MAPK8: variants seen among roughly 807,000 people sequenced by gnomAD.
MAPK8 encodes mitogen-activated protein kinase 8.
In MAPK8, 13 loss-of-function variants were observed where a neutral mutation model predicts 52.9. The observed-to-expected ratio is 0.25, with a 90% CI of 0.16 to 0.39. The LOEUF is 0.39. MAPK8 is among the 10% of genes least tolerant of loss of function. MAPK8 has a pLI of 1.00. For synonymous variants in MAPK8, 191 were observed against 169.8 expected, an observed-to-expected ratio of 1.12 and a Z score of -0.97; for missense variants, 300 against 519.2, an observed-to-expected ratio of 0.58 and a Z score of 4.10.
intron 1 of MAPK8, among the ~76,000 whole-genome samples, chr10:48,348,502 A>G (rs1846001002): frequency 1.3e-5 from 2 of 152,182 alleles, no homozygotes; most frequent in African/African-American, 4.8e-5. Context: ...GTTTTCTTCT[A>G]GGATTTTTAT....
intron 1 of MAPK8, among the ~76,000 whole-genome samples, chr10:48,391,481 C>T (rs1161526089): frequency 6.6e-6 from 1 of 152,138 alleles, no homozygotes; most frequent in Non-Finnish European, 1.5e-5. Context: ...AATGCATCCT[C>T]TATAAATCTC....
intron 1 of MAPK8, among the ~76,000 whole-genome samples, chr10:48,338,847 C>T (rs560000865): frequency 6.6e-6 from 1 of 151,992 alleles, no homozygotes; most frequent in East Asian, 1.9e-4. Flanking sequence ...ACACACCACA[C>T]ACACACAATA....
At chr10:48,362,537 T>C (rs931685698) in intron 1 of MAPK8, among the ~76,000 whole-genome samples, 2 of 124,398 alleles carry the variant, frequency 1.6e-5, no homozygotes, top group Non-Finnish European at 3.2e-5. Flanking sequence ...ATTTTCTTTT[T>C]ATTAGCCTCT....
intron 3 of MAPK8, among the ~76,000 whole-genome samples, chr10:48,406,999 T>C (rs2042508255): frequency 6.6e-6 from 1 of 152,226 alleles, no homozygotes; most frequent in African/African-American, 2.4e-5. Context: ...ACAGTTCCCA[T>C]CTCACCCAGT....
In MAPK8 at chr10:48,439,201, G is replaced by T. The variant is rs1490536032; in HGVS notation, c.*4172G>T. 6.6e-6 allele frequency: 1 copy of T among 150,858 alleles called. No individual in the cohort carries two copies. Among genetic ancestry groups the T allele is most frequent in the Non-Finnish European group, 1.5e-5 (1 of 67,852 alleles). The allele number at this position is 150,858 out of a possible 1,614,324, so 9.3% of individuals were successfully genotyped here. ...TTTCCTCTAGACAAAACAAAATGGG[G>T]CACTTTTTAGGGAATGCTGAGATCA... On this transcript the variant is annotated 3_prime_UTR_variant, in exon 12 of 12. Coordinates refer to ENST00000374189, the MANE Select transcript of MAPK8 (RefSeq NM_001323329.2).
chr10:48,340,203 T>C (rs981942005), intron 1 of MAPK8, among the ~76,000 whole-genome samples: 6 of 152,206 alleles, frequency 3.9e-5, no homozygotes, highest in African/African-American at 1.4e-4. Context: ...ATATGCACCA[T>C]GGATACTACA....
At chr10:48,341,769 A>G (rs1845290210) in intron 1 of MAPK8, among the ~76,000 whole-genome samples, 1 of 152,250 alleles carries the variant, frequency 6.6e-6, no homozygotes, top group African/African-American at 2.4e-5. Context: ...CCATGAAAGT[A>G]TATAAAGATA....
At chr10:48,376,524 A>G (rs1212434431) in intron 1 of MAPK8, among the ~76,000 whole-genome samples, 1 of 152,222 alleles carries the variant, frequency 6.6e-6, no homozygotes, top group African/African-American at 2.4e-5. Context: ...AAAGAACTTA[A>G]ACAAATTTAC....
At chr10:48,310,518 C>G (rs1841876203) in intron 1 of MAPK8, among the ~76,000 whole-genome samples, 4 of 152,154 alleles carry the variant, frequency 2.6e-5, no homozygotes, top group South Asian at 2.1e-4. Flanking sequence ...ATCATGCCTT[C>G]TAATGAGACC....
At chr10:48,370,836 T>C (rs533640199) in intron 1 of MAPK8, among the ~76,000 whole-genome samples, 10 of 152,228 alleles carry the variant, frequency 6.6e-5, no homozygotes, top group Non-Finnish European at 1.0e-4. Flanking sequence ...GTTGAAAATA[T>C]AAGGGAGAAG....
chr10:48,409,194 GAA>G (rs1313090338), intron 3 of MAPK8, among the ~76,000 whole-genome samples: 1 of 151,962 alleles, frequency 6.6e-6, no homozygotes, highest in Non-Finnish European at 1.5e-5. Flanking sequence ...ACAGGGAATG[GAA>G]AAAAGAGATT....
chr10:48,430,455 A>T (rs2044119807), intron 10 of MAPK8: 1 of 152,160 alleles, frequency 6.6e-6, no homozygotes, highest in Admixed American at 6.5e-5. Context: ...CATCAGAATC[A>T]CTTCTGATGA....
chr10:48,359,400 G>C (rs1280517784), intron 1 of MAPK8, among the ~76,000 whole-genome samples: 1 of 152,084 alleles, frequency 6.6e-6, no homozygotes, highest in Non-Finnish European at 1.5e-5. Context: ...TTAAAAGCTT[G>C]TTACACATAG....
intron 1 of MAPK8, among the ~76,000 whole-genome samples, chr10:48,364,131 G>A (rs1470961976): frequency 1.3e-5 from 2 of 152,122 alleles, no homozygotes; most frequent in African/African-American, 2.4e-5. Context: ...ATTTGCTTCA[G>A]TTCTGTAGTA....
At chr10:48,347,595 T>G (rs1845911822) in intron 1 of MAPK8, among the ~76,000 whole-genome samples, 1 of 152,194 alleles carries the variant, frequency 6.6e-6, no homozygotes, top group South Asian at 2.1e-4. Flanking sequence ...CCCCTCCCTG[T>G]GTCCATGTGT....
At chr10:48,401,590 C>T (rs1328046886) in intron 1 of MAPK8, 22 bp from the exon 2 acceptor site, 9 of 1,534,920 alleles carry the variant, frequency 5.9e-6, no homozygotes, top group Non-Finnish European at 8.0e-6. Flanking sequence ...TTGTTAACAT[C>T]ATGTTTTGTT....
At chr10:48,342,063 C>A (rs553038531) in intron 1 of MAPK8, among the ~76,000 whole-genome samples, 7 of 152,172 alleles carry the variant, frequency 4.6e-5, no homozygotes, top group Non-Finnish European at 8.8e-5. Context: ...GTATGCAGGG[C>A]CTATATCACA....
intron 1 of MAPK8, among the ~76,000 whole-genome samples, chr10:48,382,783 TTATA>T (rs2041076653): frequency 6.8e-6 from 1 of 147,230 alleles, no homozygotes; most frequent in Non-Finnish European, 1.5e-5. Flanking sequence ...TTATATATCT[TTATA>T]TATACTTATA....
At chr10:48,335,749 A>G (rs150596323) in intron 1 of MAPK8, among the ~76,000 whole-genome samples, 107 of 152,338 alleles carry the variant, frequency 7.0e-4, no homozygotes, top group African/African-American at 2.4e-3. Context: ...ATATAGCAAC[A>G]GTGCTTATGT....
Sources: gnomAD v4.1 joint callset for allele counts (sites outside exome capture counted in the v4.1 genomes callset) on GRCh38, gnomAD v4.1.1 for gene constraint, MANE v1.5 for transcripts, NCBI Gene and HGNC (gene_info 2026-07-23, HGNC 2026-07-21) for gene names.